The following EPB41L4A variants were observed in gnomAD, a reference collection of about 807,000 sequenced individuals.
EPB41L4A encodes erythrocyte membrane protein band 4.1 like 4A.
EPB41L4A carries 100 observed loss-of-function variants against 108.6 expected under a neutral mutation model. The observed-to-expected ratio is 0.92, with a 90% CI of 0.78 to 1.09. The LOEUF (loss-of-function observed/expected upper bound fraction) is 1.09, where lower values mean the gene tolerates loss of function less well. Ranked by LOEUF, EPB41L4A falls within the 50% of genes least tolerant of loss-of-function variation. The pLI, the probability that EPB41L4A is intolerant of heterozygous loss-of-function variation, is 0.00. For missense variants in EPB41L4A, 1,030 were observed against 842.7 expected, an observed-to-expected ratio of 1.22 and a Z score of -2.75; for synonymous variants, 319 against 289.0, an observed-to-expected ratio of 1.10 and a Z score of -1.05.
At chr5:112,246,930 C>CATAG (rs1440254600) in intron 9 of EPB41L4A, among the ~76,000 whole-genome samples, 1 of 152,180 alleles carries the variant, frequency 6.6e-6, no homozygotes, top group East Asian at 1.9e-4. Context: ...TGGAGAAAGG[C>CATAG]ATAGACCTGT....
rs1468486514 is a variant in EPB41L4A, at chr5:112,169,968, G to GTCA, written c.1739+330_1739+332dup. 1.1e-5 allele frequency: 3 copies of GTCA among 278,968 alleles called. No homozygotes were observed. The Admixed American group carries it at 1.7e-4, about 15-fold the overall frequency. The allele number at this position is 278,968 out of a possible 1,614,324, so 17.3% of individuals were successfully genotyped here. ...ACTGGGCTCATATGAGAGTTTTATGGTCAACATAATTCTCTTGGTGTAAAA... is the reference window on the plus strand; with the variant it reads ...ACTGGGCTCATATGAGAGTTTTATGGTCATCAACATAATTCTCTTGGTGTAAAA... On this transcript the variant is annotated intron_variant, in intron 20 of 22. Transcript: ENST00000261486.
At chr5:112,263,783 T>C (rs1389244964) in intron 6 of EPB41L4A, 1 of 152,284 alleles carries the variant, frequency 6.6e-6, no homozygotes, top group Admixed American at 6.5e-5. Context: ...AGGCAAACAT[T>C]TTTTTGTGAC....
intron 1 of EPB41L4A, among the ~76,000 whole-genome samples, chr5:112,414,384 T>G (rs1388513977): frequency 1.3e-5 from 2 of 152,208 alleles, no homozygotes; most frequent in Non-Finnish European, 2.9e-5. Context: ...AGAGTGGTTC[T>G]CAACGGAGGG....
At chr5:112,246,001 T>C (rs1351296157) in intron 9 of EPB41L4A, among the ~76,000 whole-genome samples, 1 of 152,146 alleles carries the variant, frequency 6.6e-6, no homozygotes, top group Non-Finnish European at 1.5e-5. Flanking sequence ...ATAGGGATTA[T>C]ACAATTAGAG....
chr5:112,312,592 A>C (rs1738042073), intron 1 of EPB41L4A, among the ~76,000 whole-genome samples: 1 of 152,194 alleles, frequency 6.6e-6, no homozygotes, highest in South Asian at 2.1e-4. Flanking sequence ...ACACATGAAA[A>C]CCTCTTAACT....
upstream of EPB41L4A, chr5:112,419,873 C>A (rs752976305): frequency 2.2e-6 from 1 of 456,778 alleles, no homozygotes; most frequent in Non-Finnish European, 4.4e-6. Context: ...TCCGGGAATG[C>A]CTGCCGCGGC....
At chr5:112,357,434 G>C (rs752051253) in intron 1 of EPB41L4A, among the ~76,000 whole-genome samples, 2 of 152,238 alleles carry the variant, frequency 1.3e-5, no homozygotes, top group East Asian at 1.9e-4. Flanking sequence ...TGCAAGAGCA[G>C]ATGTCTCAGG....
intron 13 of EPB41L4A, chr5:112,145,867 A>T: frequency 4.4e-6 from 2 of 453,644 alleles, no homozygotes; most frequent in South Asian, 3.1e-5. Flanking sequence ...ATCAATATAC[A>T]TAATTACACT....
At chr5:112,262,646 A>G in intron 6 of EPB41L4A, 65 bp from the exon 7 acceptor site, 1 of 1,252,268 alleles carries the variant, frequency 8.0e-7, no homozygotes, top group Non-Finnish European at 1.2e-6. Flanking sequence ...AGGGATGCAA[A>G]CTATCTTCAT....
intron 1 of EPB41L4A, among the ~76,000 whole-genome samples, chr5:112,363,989 G>T (rs189559924): frequency 1.0e-3 from 159 of 152,220 alleles, no homozygotes; most frequent in African/African-American, 3.5e-3. Context: ...AGGTAATAAT[G>T]ATCCTGTGCC....
chr5:112,390,664 A>G (rs1187453909), intron 1 of EPB41L4A, among the ~76,000 whole-genome samples: 1 of 152,152 alleles, frequency 6.6e-6, no homozygotes, highest in Non-Finnish European at 1.5e-5. Flanking sequence ...AGATTTAAAC[A>G]TACCTGTCTG....
intron 2 of EPB41L4A, among the ~76,000 whole-genome samples, chr5:112,303,867 A>T (rs929535847): frequency 2.0e-5 from 3 of 152,184 alleles, no homozygotes; most frequent in African/African-American, 7.2e-5. Context: ...GCAGCAGATA[A>T]GGGAGGGCAA....
intron 13 of EPB41L4A, among the ~76,000 whole-genome samples, 161 bp downstream of exon 13, chr5:112,209,731 T>C (rs1354882827): frequency 6.6e-6 from 1 of 152,236 alleles, no homozygotes; most frequent in Non-Finnish European, 1.5e-5. Flanking sequence ...TATATTTCAT[T>C]GGTGTTTTAA....
intron 1 of EPB41L4A, among the ~76,000 whole-genome samples, chr5:112,328,131 A>C (rs950290225): frequency 6.6e-6 from 1 of 152,072 alleles, no homozygotes; most frequent in Admixed American, 6.5e-5. Context: ...AACACAGTGA[A>C]ACCCCATCTC....
chr5:112,339,489 T>G lies in EPB41L4A; in HGVS notation c.100-31999A>C, dbSNP rs1351036022. 6.8e-5 allele frequency among the ~76,000 whole-genome samples: 4 copies of G among 58,960 alleles called. No individual in the cohort carries two copies. In the East Asian group the frequency reaches 2.3e-3, roughly 33 times the overall value. 38.7% of individuals were successfully genotyped at this position (58,960 alleles called of 152,430 possible). On this transcript the variant is annotated intron_variant, in intron 1 of 22. Coordinates refer to ENST00000261486, the MANE Select transcript of EPB41L4A (RefSeq NM_022140.5). Reference sequence around the variant, plus strand: ...ATATATATATCTATATATATATATATATATATCTATATATATATATAGATA... The same window carrying G: ...ATATATATATCTATATATATATATAGATATATCTATATATATATATAGATA...
At chr5:112,283,946 T>A (rs1047126569) in intron 2 of EPB41L4A, among the ~76,000 whole-genome samples, 1 of 152,214 alleles carries the variant, frequency 6.6e-6, no homozygotes, top group African/African-American at 2.4e-5. Context: ...AAAAAAACTT[T>A]CTCAAAATAC....
chr5:112,359,650 C>T (rs1435127344), intron 1 of EPB41L4A, among the ~76,000 whole-genome samples: 1 of 152,018 alleles, frequency 6.6e-6, no homozygotes, highest in Non-Finnish European at 1.5e-5. Context: ...ACACCATTCT[C>T]CTGCCTCAGC....
chr5:112,376,153 T>C (rs767797914), intron 1 of EPB41L4A, among the ~76,000 whole-genome samples: 1 of 152,156 alleles, frequency 6.6e-6, no homozygotes, highest in Non-Finnish European at 1.5e-5. Flanking sequence ...ATCTAGAATA[T>C]GTAAAGAACT....
At chr5:112,261,419 TATAA>T (rs1408090743) in intron 7 of EPB41L4A, among the ~76,000 whole-genome samples, 2 of 152,220 alleles carry the variant, frequency 1.3e-5, no homozygotes, top group African/African-American at 2.4e-5. Flanking sequence ...AAAATCAGTC[TATAA>T]ATACTCTCCA....
Sources: allele counts gnomAD v4.1 joint callset (sites outside exome capture counted in the v4.1 genomes callset), GRCh38; gene constraint gnomAD v4.1.1; transcripts MANE v1.5; gene names NCBI Gene and HGNC (gene_info 2026-07-23, HGNC 2026-07-21).